Variants in CCND3 observed in about 807,000 individuals in gnomAD.
CCND3 encodes the protein cyclin D3.
A neutral mutation model predicts 28.7 loss-of-function variants in CCND3; 9 were observed. That is an observed-to-expected ratio of 0.31 (90% CI 0.19 to 0.55). CCND3 has a LOEUF of 0.55. Ranked by LOEUF, CCND3 falls within the 20% of genes least tolerant of loss-of-function variation. CCND3 has a pLI of 0.93. For missense variants in CCND3, 315 were observed against 385.8 expected, an observed-to-expected ratio of 0.82 and a Z score of 1.54; for synonymous variants, 164 against 163.9, an observed-to-expected ratio of 1.00 and a Z score of 0.00.
chr6:41,965,593 C>T (rs1213608562), intron 1 of CCND3, among the ~76,000 whole-genome samples: 2 of 152,098 alleles, frequency 1.3e-5, no homozygotes, highest in Non-Finnish European at 1.5e-5. Flanking sequence ...GGAACATCCA[C>T]ATTTAAGGGG....
intron 1 of CCND3, among the ~76,000 whole-genome samples, chr6:41,965,760 C>T (rs1337595379): frequency 5.9e-5 from 9 of 152,166 alleles, no homozygotes; most frequent in African/African-American, 2.2e-4. Flanking sequence ...GCCCTCCCAC[C>T]CCAAAGGACA....
In CCND3 at chr6:42,025,525, C is replaced by T. The variant is rs866552302; in HGVS notation, c.-46+22976G>A. The stretch of plus-strand genomic sequence containing the variant: ...CCCTCAGCTCACAGAAGAAGTCACA[C>T]ACCTCACCAAACTGAGAAAAATCAG... On this transcript the variant is annotated intron_variant, in intron 1 of 4. Transcript: ENST00000372988. 4.9e-4 allele frequency among the ~76,000 whole-genome samples: 74 copies of T among 152,320 alleles called. 1 individual carries two copies. Among genetic ancestry groups the T allele is most frequent in the African/African-American group, 1.8e-3 (73 of 41,572 alleles).
chr6:41,935,524 A>AC lies in CCND3; in HGVS notation c.*415dup, dbSNP rs2127388604. ...CTATCATGCATTAAATTTTAGAGGG[A>AC]CCCCAATCCAAATGCAATAACCCTA... On this transcript the variant is annotated 3_prime_UTR_variant, in exon 5 of 5. Coordinates refer to ENST00000372991, the MANE Select transcript of CCND3 (RefSeq NM_001760.5). The AC allele has an allele frequency of 2.9e-6, 1 of 340,032 alleles. No homozygotes were observed. Among genetic ancestry groups the AC allele is most frequent in the East Asian group, 4.4e-5 (1 of 22,884 alleles). 21.1% of individuals were successfully genotyped at this position (340,032 alleles called of 1,614,324 possible).
intron 2 of CCND3, 49 bp from the exon 3 acceptor site, chr6:41,937,443 G>A (rs763305722): frequency 6.2e-7 from 1 of 1,607,512 alleles, no homozygotes; most frequent in Non-Finnish European, 8.5e-7. Context: ...AAGTGAAGAG[G>A]AGGGAGCAAA....
At chr6:41,972,855 A>G (rs940450959) in intron 1 of CCND3, among the ~76,000 whole-genome samples, 70 of 144,546 alleles carry the variant, frequency 4.8e-4, no homozygotes, top group African/African-American at 1.8e-3. Context: ...CATCTCTACA[A>G]AAAATTTACA....
chr6:41,985,255 C>T (rs527429872), intron 1 of CCND3, among the ~76,000 whole-genome samples: 2 of 151,184 alleles, frequency 1.3e-5, no homozygotes, highest in South Asian at 4.2e-4. Context: ...GAAGCTTTCT[C>T]CCTAAGTTTT....
chr6:41,953,831 C>T (rs373322879), intron 1 of CCND3, among the ~76,000 whole-genome samples: 1 of 151,788 alleles, frequency 6.6e-6, no homozygotes, highest in Admixed American at 6.6e-5. Context: ...CAGTGGGGCA[C>T]GGGAGGAAAA....
rs35776222 is a variant in CCND3, at chr6:41,989,454, C to CAAAAAAAAAAAAAA, written c.-45-48870_-45-48869insTTTTTTTTTTTTTT. On this transcript the variant is annotated intron_variant, in intron 1 of 4. Coordinates refer to the CCND3 transcript ENST00000372988. ...GGGCGACAAGAGTGAAACACTGTCT[C>CAAAAAAAAAAAAAA]AAAAAAAAAAAACAAAAAAAAAAAA... 1.2e-3 allele frequency among the ~76,000 whole-genome samples: 27 copies of CAAAAAAAAAAAAAA among 21,694 alleles called. 2 individuals carry two copies. The highest frequency in any genetic ancestry group is 1.8e-3 in the Non-Finnish European group (16 of 9,114). The allele number at this position is 21,694 out of a possible 152,430, so 14.2% of individuals were successfully genotyped here. A position where few individuals can be genotyped will look rare whatever the true frequency, so the allele number is the denominator to read the frequency against.
At chr6:42,022,193 A>T (rs1229756621) in intron 1 of CCND3, among the ~76,000 whole-genome samples, 2 of 152,178 alleles carry the variant, frequency 1.3e-5, no homozygotes, top group African/African-American at 4.8e-5. Flanking sequence ...CTTGCCAGGA[A>T]ACAGTTCCAA....
At chr6:41,989,668 T>C (rs1337073471) in intron 1 of CCND3, among the ~76,000 whole-genome samples, 2 of 152,134 alleles carry the variant, frequency 1.3e-5, no homozygotes, top group Non-Finnish European at 2.9e-5. Flanking sequence ...ATACCAAACA[T>C]TGGCATATCA....
Position 41,936,000 on chromosome 6 carries a change from G to C in CCND3, c.819C>G (p.Ser273=). Residue 273 remains serine (S), a synonymous_variant, in exon 5 of 5, where the codon TCC becomes TCG. Coordinates refer to ENST00000372991, the MANE Select transcript of CCND3 (RefSeq NM_001760.5). ...SSPAPKAPRG[S]SSQGPSQTST... ...TGGTCTGGCTGGGCCCTTGGCTGCT[G>C]GAGCCCCGGGGGGCTTTGGGCGCTG... 1 of 1,613,544 alleles carries C rather than the reference G, an allele frequency of 6.2e-7. No homozygotes were observed. The highest frequency in any genetic ancestry group is 1.3e-5 in the African/African-American group (1 of 75,030).
At chr6:41,982,429 A>G (rs181685611) in intron 1 of CCND3, among the ~76,000 whole-genome samples, 65 of 152,338 alleles carry the variant, frequency 4.3e-4, no homozygotes, top group African/African-American at 1.1e-3. Context: ...GGAAAACTAG[A>G]AAACTCTGAT....
At chr6:41,985,489 ATTT>A (rs1762460672) in intron 1 of CCND3, among the ~76,000 whole-genome samples, 1 of 151,700 alleles carries the variant, frequency 6.6e-6, no homozygotes, top group Non-Finnish European at 1.5e-5. Context: ...AATTTTGTGT[ATTT>A]TTAATAGAGA....
Position 41,936,134 on chromosome 6 carries a change from G to A in CCND3, c.712-27C>T. On this transcript the variant is annotated intron_variant, in intron 4 of 4. Coordinates refer to ENST00000372991, the MANE Select transcript of CCND3 (RefSeq NM_001760.5). The surrounding 1 kb of genome is among the most constrained non-coding windows in gnomAD (Gnocchi z 4.4). ...TGGGAACATGGGAGAAGAGTGAGGA[G>A]CAAACACTCCCCCCATAGCATCTGG... The A allele has an allele frequency of 1.3e-6, 2 of 1,544,982 alleles. No homozygotes were observed. Among genetic ancestry groups the A allele is most frequent in the Middle Eastern group, 1.8e-4 (1 of 5,630 alleles).
intron 1 of CCND3, among the ~76,000 whole-genome samples, chr6:41,957,341 C>T (rs887386360): frequency 6.6e-6 from 1 of 152,200 alleles, no homozygotes; most frequent in African/African-American, 2.4e-5. Context: ...AAATTGCCTT[C>T]AAGAAGAGGC....
chr6:41,994,964 C>T (rs945178442), intron 1 of CCND3, among the ~76,000 whole-genome samples: 8 of 151,634 alleles, frequency 5.3e-5, no homozygotes, highest in Admixed American at 1.3e-4. Flanking sequence ...TCCAGCTACT[C>T]GGGAGGCTGA....
intron 3 of CCND3, 30 bp downstream of exon 3, chr6:41,937,205 A>G (rs1382322441): frequency 2.5e-6 from 4 of 1,613,304 alleles, no homozygotes; most frequent in African/African-American, 1.3e-5. Context: ...GATTTTTCCA[A>G]TTTGGCAAAA....
chr6:41,936,465 C>T lies in CCND3; in HGVS notation c.711+94G>A. The stretch of plus-strand genomic sequence containing the variant: ...AGGTTGTGAAACCAGGACTTGGGAC[C>T]AGGTTGGGGTTGGAGGTTTCCCTCT... On this transcript the variant is annotated intron_variant, in intron 4 of 4. Transcript: ENST00000372991. This position sits in a 1 kb window ranked among gnomAD's most constrained non-coding sequence, Gnocchi z 4.4. 5 of 1,427,890 alleles carry T rather than the reference C, an allele frequency of 3.5e-6. No homozygotes were observed. The highest frequency in any genetic ancestry group is 4.8e-6 in the Non-Finnish European group (5 of 1,039,998). 88.5% of individuals were successfully genotyped at this position (1,427,890 alleles called of 1,614,324 possible).
chr6:42,033,998 G>A (rs559768242), intron 1 of CCND3, among the ~76,000 whole-genome samples: 1 of 152,104 alleles, frequency 6.6e-6, no homozygotes, highest in Non-Finnish European at 1.5e-5. Flanking sequence ...GCTACCAAAA[G>A]AATTTTTAAG....
Sources: allele counts gnomAD v4.1 joint callset (sites outside exome capture counted in the v4.1 genomes callset), GRCh38; gene constraint gnomAD v4.1.1; non-coding constraint Gnocchi (gnomAD v3.1); transcripts MANE v1.5; gene names NCBI Gene and HGNC (gene_info 2026-07-23, HGNC 2026-07-21).